TBC1D22A: variants seen among roughly 807,000 people sequenced by gnomAD.
The protein encoded by TBC1D22A is TBC1 domain family member 22A.
Under a neutral mutation model 60.2 loss-of-function variants are expected in TBC1D22A, and 38 were observed. The ratio of observed to expected loss-of-function variants is 0.63; its 90% CI spans 0.49 to 0.83. The LOEUF is 0.83. TBC1D22A is among the 40% of genes least tolerant of loss of function. The probability of loss-of-function intolerance (pLI) is 0.00; values close to 1 mark genes in which losing one functional copy is unlikely to be tolerated. For synonymous variants in TBC1D22A, 302 were observed against 281.7 expected (o/e 1.07, Z -0.72); for missense variants, 628 against 701.0 (o/e 0.90, Z 1.18).
At chr22:46,910,605 A>G (rs1297090146) in intron 7 of TBC1D22A, among the ~76,000 whole-genome samples, 4 of 152,186 alleles carry the variant, frequency 2.6e-5, no homozygotes, top group African/African-American at 9.7e-5. Context: ...CCCGAAGGTC[A>G]GGCTGGAGCC....
intron 8 of TBC1D22A, among the ~76,000 whole-genome samples, chr22:46,966,244 G>A (rs1313581766): frequency 6.6e-6 from 1 of 152,086 alleles, no homozygotes; most frequent in Admixed American, 6.5e-5. Flanking sequence ...CAGCCCGGTC[G>A]GGCTCCGTGC....
At chr22:46,957,861 A>G (rs995737115) in intron 8 of TBC1D22A, among the ~76,000 whole-genome samples, 7 of 152,224 alleles carry the variant, frequency 4.6e-5, no homozygotes, top group East Asian at 3.9e-4. Flanking sequence ...AACAGTGTGC[A>G]TGGAACACGT....
intron 8 of TBC1D22A, among the ~76,000 whole-genome samples, chr22:46,938,589 CTT>C (rs60745746): frequency 8.5e-5 from 12 of 140,498 alleles, no homozygotes; most frequent in Non-Finnish European, 3.1e-5. Flanking sequence ...TTATTTCTCT[CTT>C]TTTTTTTTTT....
At position 46,969,652 on chromosome 22, in the gene TBC1D22A, T is replaced by C. The variant is rs2073967867; in HGVS notation, c.1016-4638T>C. 2.0e-5 allele frequency among the ~76,000 whole-genome samples: 3 copies of C among 152,184 alleles called. No homozygotes were observed. In the South Asian group the frequency reaches 6.2e-4, roughly 32 times the overall value. On this transcript the variant is annotated intron_variant, in intron 8 of 12. Transcript: ENST00000337137. ...TCTTCTGCCCTGGGCTGTGGGAGCCTCTTCTGCCTCCTCCAGGTTCCCTTG... is the reference window on the plus strand; with the variant it reads ...TCTTCTGCCCTGGGCTGTGGGAGCCCCTTCTGCCTCCTCCAGGTTCCCTTG...
intron 12 of TBC1D22A, among the ~76,000 whole-genome samples, chr22:47,149,715 C>T (rs564672033): frequency 6.6e-6 from 1 of 152,358 alleles, no homozygotes; most frequent in Admixed American, 6.5e-5. Flanking sequence ...GAAGAAGGGG[C>T]TGGCACTGGG....
At chr22:47,170,662 CCCT>C (rs2068399543) in intron 12 of TBC1D22A, among the ~76,000 whole-genome samples, 7 of 148,974 alleles carry the variant, frequency 4.7e-5, no homozygotes, top group African/African-American at 1.7e-4. Flanking sequence ...TGGTGTGTAA[CCCT>C]CCTGATGCAG....
intron 11 of TBC1D22A, among the ~76,000 whole-genome samples, chr22:47,041,688 C>T (rs898341109): frequency 3.3e-5 from 5 of 152,218 alleles, no homozygotes; most frequent in African/African-American, 7.2e-5. Context: ...GCCGAGTTTC[C>T]GATCCTTGCC....
At chr22:46,888,583 A>G (rs1193575586) in intron 5 of TBC1D22A, among the ~76,000 whole-genome samples, 3 of 152,154 alleles carry the variant, frequency 2.0e-5, no homozygotes, top group Non-Finnish European at 4.4e-5. Context: ...CTCGTGGGAG[A>G]AGTGACTACT....
At chr22:47,042,276 A>G (rs5767440) in intron 11 of TBC1D22A, among the ~76,000 whole-genome samples, 97,595 of 151,834 alleles carry the variant, frequency 0.64, 32,332 homozygotes, top group East Asian at 0.92. Context: ...TGGAGCAGAG[A>G]CCGGGAGCCA....
intron 4 of TBC1D22A, among the ~76,000 whole-genome samples, chr22:46,808,883 C>T (rs550252470): frequency 9.9e-5 from 15 of 152,222 alleles, no homozygotes; most frequent in African/African-American, 4.8e-5. Flanking sequence ...CGTGAGCCAC[C>T]GTGCCCGGCC....
intron 8 of TBC1D22A, among the ~76,000 whole-genome samples, chr22:46,956,866 G>T (rs1173066499): frequency 6.6e-6 from 1 of 152,202 alleles, no homozygotes; most frequent in Non-Finnish European, 1.5e-5. Context: ...CAGACTTTCC[G>T]GGATTTACAT....
chr22:46,969,052 C>A (rs2073944618), intron 8 of TBC1D22A, among the ~76,000 whole-genome samples: 1 of 152,098 alleles, frequency 6.6e-6, no homozygotes, highest in Admixed American at 6.5e-5. Flanking sequence ...TGGATGCCAG[C>A]AGCACCCCCC....
chr22:46,899,622 C>G (rs1447869429), intron 7 of TBC1D22A, among the ~76,000 whole-genome samples: 1 of 152,204 alleles, frequency 6.6e-6, no homozygotes, highest in Non-Finnish European at 1.5e-5. Context: ...TCATTGTCAG[C>G]ACATTGTTTG....
At chr22:47,102,066 G>A (rs11913643) in intron 11 of TBC1D22A, among the ~76,000 whole-genome samples, 2,924 of 152,278 alleles carry the variant, frequency 0.019, 91 homozygotes, top group African/African-American at 0.066. Context: ...GGTAGGGGGA[G>A]GAAACCGTTT....
At chr22:47,172,010 T>A (rs73170484) in intron 12 of TBC1D22A, among the ~76,000 whole-genome samples, 6,742 of 99,292 alleles carry the variant, frequency 0.068, 937 homozygotes, top group African/African-American at 0.22. Flanking sequence ...GAGCCCAGTG[T>A]GCCTACCCAG....
chr22:46,969,030 G>A (rs2073944130), intron 8 of TBC1D22A, among the ~76,000 whole-genome samples: 1 of 152,000 alleles, frequency 6.6e-6, no homozygotes, highest in African/African-American at 2.4e-5. Context: ...TTGTAGCACC[G>A]GCCCTGCCCA....
At chr22:47,130,617 A>G (rs917470322) in intron 12 of TBC1D22A, among the ~76,000 whole-genome samples, 3 of 152,048 alleles carry the variant, frequency 2.0e-5, no homozygotes, top group Non-Finnish European at 2.9e-5. Flanking sequence ...CTGTGTTTGC[A>G]CCTTTTCGTT....
At chr22:46,956,539 A>C (rs1352531133) in intron 8 of TBC1D22A, among the ~76,000 whole-genome samples, 1 of 152,248 alleles carries the variant, frequency 6.6e-6, no homozygotes, top group Non-Finnish European at 1.5e-5. Context: ...AGAGACTTAG[A>C]AGAAGCAGAG....
At chr22:46,837,351 C>T (rs2086568505) in intron 4 of TBC1D22A, among the ~76,000 whole-genome samples, 1 of 152,128 alleles carries the variant, frequency 6.6e-6, no homozygotes, top group African/African-American at 2.4e-5. Flanking sequence ...GACAGAAAAT[C>T]AGTAAGGAAA....
Sources: gnomAD v4.1 joint callset for allele counts (sites outside exome capture counted in the v4.1 genomes callset) on GRCh38, gnomAD v4.1.1 for gene constraint, MANE v1.5 for transcripts, NCBI Gene and HGNC (gene_info 2026-07-23, HGNC 2026-07-21) for gene names.